PAK1IP1: variants seen among roughly 807,000 people sequenced by gnomAD.
PAK1IP1 encodes p21-activated protein kinase-interacting protein 1.
PAK1IP1 carries 24 observed loss-of-function variants against 42.0 expected under a neutral mutation model. The observed-to-expected ratio is 0.57, with a 90% CI of 0.41 to 0.80. PAK1IP1 has a LOEUF of 0.80. Among genes scored for constraint, PAK1IP1 ranks in the 30% least tolerant of loss-of-function variants. The pLI, the probability that PAK1IP1 is intolerant of heterozygous loss-of-function variation, is 0.00. For synonymous variants in PAK1IP1, 154 were observed against 156.7 expected (o/e 0.98, Z 0.13); for missense variants, 411 against 467.9 (o/e 0.88, Z 1.12).
At chr6:10,699,395 CG>C (rs1561891261) in intron 2 of PAK1IP1, among the ~76,000 whole-genome samples, 1 of 151,920 alleles carries the variant, frequency 6.6e-6, no homozygotes, top group Non-Finnish European at 1.5e-5. Flanking sequence ...TATGTGGTAA[CG>C]ATGCCCAGGC....
upstream of PAK1IP1, among the ~76,000 whole-genome samples, chr6:10,692,714 G>A (rs1769445642): frequency 6.6e-6 from 1 of 152,038 alleles, no homozygotes; most frequent in Non-Finnish European, 1.5e-5. Flanking sequence ...GAGCCACTGC[G>A]TCTGGCCATT....
chr6:10,694,598 AAGCAACCGGC>A, upstream of PAK1IP1: 1 of 172,166 alleles, frequency 5.8e-6, no homozygotes, highest in Admixed American at 6.1e-5. Flanking sequence ...TACAGCCCCT[AAGCAACCGGC>A]CGGAAGTCGG....
chr6:10,692,069 A>G (rs766626041), upstream of PAK1IP1, among the ~76,000 whole-genome samples: 1 of 152,222 alleles, frequency 6.6e-6, no homozygotes. Flanking sequence ...CTCAAACAGC[A>G]GTTGAGATGT....
chr6:10,702,424 A>G lies in PAK1IP1; in HGVS notation c.303A>G (p.Glu101=). 1 of 1,613,806 alleles carries G rather than the reference A, an allele frequency of 6.2e-7. No homozygotes were observed. The highest frequency in any genetic ancestry group is 8.5e-7 in the Non-Finnish European group (1 of 1,179,650). The change falls in exon 3 of 10, where the codon GAA becomes GAG. Residue 101 remains glutamate, a synonymous_variant. Coordinates refer to ENST00000379568, the MANE Select transcript of PAK1IP1 (RefSeq NM_017906.3). Reference sequence around the variant, plus strand: ...ACAGGCATTTAATCAGTGGAGCGGAAGATGGACTCATCTGTATCTGGGATG... The same window carrying G: ...ACAGGCATTTAATCAGTGGAGCGGAGGATGGACTCATCTGTATCTGGGATG... ...YGNRHLISGA[E]DGLICIWDAK...
upstream of PAK1IP1, chr6:10,694,903 GTTTTTTTT>G (rs878881986): frequency 8.0e-6 from 5 of 622,692 alleles, no homozygotes; most frequent in African/African-American, 2.2e-5. Flanking sequence ...GGAGTCAGGT[GTTTTTTTT>G]TTTTTTTTTT....
chr6:10,704,892 A>G (rs1190401118), intron 7 of PAK1IP1, 48 bp downstream of exon 7: 4 of 1,112,204 alleles, frequency 3.6e-6, no homozygotes, highest in Non-Finnish European at 5.5e-6. Context: ...AATAAAAGGT[A>G]TATATGCAGT....
chr6:10,707,378 G>C lies in PAK1IP1; in HGVS notation c.741-37G>C, dbSNP rs372880910. On this transcript the variant is annotated intron_variant, in intron 7 of 9. Transcript: ENST00000379568. ...TATAACAATATTAGACTATTTGGAG[G>C]AAAAGATCTTTTATGGTGTTAATAT... 3 of 1,130,550 alleles carry C rather than the reference G, an allele frequency of 2.7e-6. No individual in the cohort carries two copies. The East Asian group carries it at 7.0e-5, about 26-fold the overall frequency. The allele number at this position is 1,130,550 out of a possible 1,614,324, so 70.0% of individuals were successfully genotyped here.
In PAK1IP1 at chr6:10,702,502, C is replaced by T. The variant is rs374485696; in HGVS notation, c.368+13C>T. 6.2e-6 allele frequency: 10 copies of T among 1,613,964 alleles called. No homozygotes were observed. In the African/African-American group the frequency reaches 1.1e-4, roughly 17 times the overall value. On this transcript the variant is annotated intron_variant, in intron 3 of 9. Transcript: ENST00000379568. ...TTAAAGCTCACAAGTGAGTCGGGCT[C>T]TTTCCCTTTGGCATTCTCGATGTGC...
chr6:10,707,850 A>G (rs1770253727), intron 8 of PAK1IP1, among the ~76,000 whole-genome samples: 1 of 152,156 alleles, frequency 6.6e-6, no homozygotes, highest in African/African-American at 2.4e-5. Flanking sequence ...ATCAATTACA[A>G]AATTAACAAA....
upstream of PAK1IP1, among the ~76,000 whole-genome samples, chr6:10,691,883 C>T (rs1299861398): frequency 6.6e-6 from 1 of 151,890 alleles, no homozygotes; most frequent in Non-Finnish European, 1.5e-5. Flanking sequence ...GTTCATGGTG[C>T]TTACACCATG....
chr6:10,702,927 C>T (rs1770076801), intron 4 of PAK1IP1, among the ~76,000 whole-genome samples: 1 of 152,136 alleles, frequency 6.6e-6, no homozygotes, highest in African/African-American at 2.4e-5. Flanking sequence ...CTGCCTCAGC[C>T]TCCCAAGTAG....
At chr6:10,699,200 C>CAAA (rs796680429) in intron 2 of PAK1IP1, among the ~76,000 whole-genome samples, 19 of 55,158 alleles carry the variant, frequency 3.4e-4, no homozygotes, top group East Asian at 5.5e-4. Flanking sequence ...GACTCTGTCT[C>CAAA]AAAAAAAAAA....
chr6:10,708,089 C>T (rs939627445), intron 8 of PAK1IP1, among the ~76,000 whole-genome samples: 6 of 143,714 alleles, frequency 4.2e-5, no homozygotes, highest in African/African-American at 1.3e-4. Context: ...TTTAATTTAG[C>T]ATGTTCATGG....
At chr6:10,698,926 C>T (rs573427548) in intron 2 of PAK1IP1, among the ~76,000 whole-genome samples, 20 of 152,120 alleles carry the variant, frequency 1.3e-4, no homozygotes, top group Admixed American at 9.8e-4. Flanking sequence ...AAAGGCCAGG[C>T]GCGGTGGCTC....
intron 5 of PAK1IP1, among the ~76,000 whole-genome samples, chr6:10,704,059 A>G (rs570940810): frequency 3.3e-5 from 5 of 151,874 alleles, no homozygotes; most frequent in African/African-American, 4.8e-5. Context: ...GTCTCGCTCT[A>G]TCACCCAGGC....
chr6:10,709,421 G>A lies in PAK1IP1; in HGVS notation c.1148G>A (p.Arg383Lys). ...ATGGTAGAAATGTTGGAAAAGAAGA[G>A]GAAAAAGAAGAAAATAAAAACAATG... ...RKMVEMLEKK[R>K]KKKKIKTMQ Residue 383 changes from arginine (R) to lysine (K), a missense_variant, in exon 10 of 10, where the codon AGG becomes AAG. Coordinates refer to ENST00000379568, the MANE Select transcript of PAK1IP1 (RefSeq NM_017906.3). The A allele has an allele frequency of 6.2e-7, 1 of 1,609,324 alleles. No individual in the cohort carries two copies.
rs111462121 is a variant in PAK1IP1 at position 10,708,655 on chromosome 6, G to A, written c.841-298G>A. Among the ~76,000 whole-genome samples the A allele has an allele frequency of 5.8e-3, 875 of 151,740 alleles. 8 individuals are homozygous for A. The highest frequency in any genetic ancestry group is 0.02 in the African/African-American group (826 of 41,236). Reference sequence around the variant, plus strand: ...TTAACTTCGTCATTTAACATTAGGTGTATCTCCTGATGCTATTCCTCCCCC... The same window carrying A: ...TTAACTTCGTCATTTAACATTAGGTATATCTCCTGATGCTATTCCTCCCCC... On this transcript the variant is annotated intron_variant, in intron 8 of 9. Coordinates refer to ENST00000379568, the MANE Select transcript of PAK1IP1 (RefSeq NM_017906.3).
intron 7 of PAK1IP1, 21 bp from the exon 8 acceptor site, chr6:10,707,394 G>C: frequency 8.0e-7 from 1 of 1,255,076 alleles, no homozygotes. Context: ...ATCTTTTATG[G>C]TGTTAATATT....
In PAK1IP1 at chr6:10,695,085, G is replaced by A. The variant is rs542686333; in HGVS notation, c.84+16G>A. ...CGACCACGAGGTGAGATACCGCGTAGTTAGAGACAGTCGGAGGCGGGGCCG... is the reference window on the plus strand; with the variant it reads ...CGACCACGAGGTGAGATACCGCGTAATTAGAGACAGTCGGAGGCGGGGCCG... On this transcript the variant is annotated intron_variant, in intron 1 of 9. Coordinates refer to ENST00000379568, the MANE Select transcript of PAK1IP1 (RefSeq NM_017906.3). The A allele has an allele frequency of 6.5e-7, 1 of 1,549,308 alleles. No homozygotes were observed. Among genetic ancestry groups the A allele is most frequent in the African/African-American group, 1.4e-5 (1 of 73,896 alleles).
Sources: gnomAD v4.1 joint callset for allele counts (sites outside exome capture counted in the v4.1 genomes callset) on GRCh38, gnomAD v4.1.1 for gene constraint, MANE v1.5 for transcripts, NCBI Gene and HGNC (gene_info 2026-07-23, HGNC 2026-07-21) for gene names.